Variants in ADAMTS9 observed in about 807,000 individuals in gnomAD.
ADAMTS9 encodes the protein A disintegrin and metalloproteinase with thrombospondin motifs 9.
ADAMTS9 carries 107 observed loss-of-function variants against 257.1 expected under a neutral mutation model. The observed-to-expected ratio is 0.42, with a 90% CI of 0.36 to 0.49. The LOEUF is 0.49. Among genes scored for constraint, ADAMTS9 ranks in the 20% least tolerant of loss-of-function variants. ADAMTS9 has a pLI of 0.03. For missense variants in ADAMTS9, 2,353 were observed against 2,469.1 expected (o/e 0.95, Z 1.00); for synonymous variants, 982 against 880.9 (o/e 1.11, Z -2.03).
At chr3:64,598,751 T>C (rs914566573) in intron 26 of ADAMTS9, among the ~76,000 whole-genome samples, 1 of 152,156 alleles carries the variant, frequency 6.6e-6, no homozygotes, top group Non-Finnish European at 1.5e-5. Context: ...TAAATAGATT[T>C]GTCATCTATA....
rs754786025 is a variant in ADAMTS9 at position 64,546,826 on chromosome 3, TG to T, written c.4995del (p.Ser1666ValfsTer7). Reference sequence around the variant, plus strand: ...TCCCTCAGGTAACAGGGGTGAACACTGGGGGGCTGCGTGCCTGGGCAGTTGA... The same window carrying T: ...TCCCTCAGGTAACAGGGGTGAACACTGGGGGCTGCGTGCCTGGGCAGTTGA... ...TTINCPGTQP[P>X]SVHPCYLRDC... is the part of the protein sequence containing the mutation. On this transcript the variant is annotated frameshift_variant, in exon 32 of 40. Coordinates refer to ENST00000498707, the MANE Select transcript of ADAMTS9 (RefSeq NM_182920.2). LOFTEE classifies it high-confidence loss of function. 1 of 1,613,942 alleles carries T rather than the reference TG, an allele frequency of 6.2e-7. No homozygotes were observed. Among genetic ancestry groups the T allele is most frequent in the Non-Finnish European group, 8.5e-7 (1 of 1,179,982 alleles).
intron 3 of ADAMTS9, among the ~76,000 whole-genome samples, chr3:64,668,300 C>T (rs1353836651): frequency 1.3e-5 from 2 of 152,092 alleles, no homozygotes; most frequent in Admixed American, 1.3e-4. Flanking sequence ...TCTATTGAAC[C>T]CCATTATGCA....
chr3:64,528,065 GTC>G (rs758407947), intron 38 of ADAMTS9, among the ~76,000 whole-genome samples: 19 of 152,196 alleles, frequency 1.2e-4, no homozygotes, highest in Non-Finnish European at 2.6e-4. Context: ...GCCCAGGAAT[GTC>G]TGTTAGACCA....
At chr3:64,523,028 T>C (rs1252650307) in intron 38 of ADAMTS9, among the ~76,000 whole-genome samples, 1 of 152,108 alleles carries the variant, frequency 6.6e-6, no homozygotes, top group South Asian at 2.1e-4. Flanking sequence ...ATTTAAAATA[T>C]AAAATTAAAA....
chr3:64,559,692 A>G (rs1305859450), intron 30 of ADAMTS9, among the ~76,000 whole-genome samples: 1 of 152,242 alleles, frequency 6.6e-6, no homozygotes, highest in African/African-American at 2.4e-5. Flanking sequence ...TTTTAGGCAT[A>G]TTGTGCATGA....
chr3:64,660,195 A>C (rs1340119298), intron 3 of ADAMTS9, among the ~76,000 whole-genome samples: 4 of 152,248 alleles, frequency 2.6e-5, no homozygotes, highest in African/African-American at 9.6e-5. Flanking sequence ...AGAATTGTAC[A>C]ATGAAGAAGT....
chr3:64,579,215 T>G (rs2083931941), intron 28 of ADAMTS9, among the ~76,000 whole-genome samples: 1 of 152,190 alleles, frequency 6.6e-6, no homozygotes, highest in African/African-American at 2.4e-5. Context: ...GTCTCTTTGG[T>G]ATCACTAAGA....
intron 39 of ADAMTS9, among the ~76,000 whole-genome samples, chr3:64,517,913 C>G (rs1304859131): frequency 1.3e-5 from 2 of 152,152 alleles, no homozygotes; most frequent in Admixed American, 1.3e-4. Context: ...CATCCCTCTT[C>G]CAACTGAAGC....
intron 30 of ADAMTS9, among the ~76,000 whole-genome samples, chr3:64,556,484 C>A (rs1400535125): frequency 6.6e-6 from 1 of 152,100 alleles, no homozygotes; most frequent in African/African-American, 2.4e-5. Context: ...CCATACTCGG[C>A]TAATTTTTTC....
chr3:64,559,674 G>T (rs185382889), intron 30 of ADAMTS9, among the ~76,000 whole-genome samples: 64 of 152,354 alleles, frequency 4.2e-4, no homozygotes, highest in South Asian at 6.2e-4. Context: ...CACATGCAAA[G>T]AAGTAAATTT....
chr3:64,546,818 G>T lies in ADAMTS9; in HGVS notation c.5004C>A (p.His1668Gln), dbSNP rs776449919. 190 of 1,613,906 alleles carry T rather than the reference G, an allele frequency of 1.2e-4. No homozygotes were observed. Among genetic ancestry groups the T allele is most frequent in the Non-Finnish European group, 1.6e-4 (186 of 1,179,950 alleles). ...NCPGTQPPSV[H>Q]PCYLRDCPVS... ...CAGGGCAGTCCCTCAGGTAACAGGGGTGAACACTGGGGGGCTGCGTGCCTG... is the reference window on the plus strand; with the variant it reads ...CAGGGCAGTCCCTCAGGTAACAGGGTTGAACACTGGGGGGCTGCGTGCCTG... The change falls in exon 32 of 40, where the codon CAC becomes CAA. Residue 1668 changes from histidine (H) to glutamine (Q), a missense_variant. By Grantham distance (24) the His-to-Gln change is conservative. Around this residue, in one of 3 missense-constraint regions of ADAMTS9, gnomAD observed 1,402 missense variants for 1,441.4 expected, o/e 0.97. Coordinates refer to ENST00000498707, the MANE Select transcript of ADAMTS9 (RefSeq NM_182920.2).
At chr3:64,630,768 C>T (rs1280252227) in intron 16 of ADAMTS9, among the ~76,000 whole-genome samples, 1 of 152,044 alleles carries the variant, frequency 6.6e-6, no homozygotes, top group African/African-American at 2.4e-5. Flanking sequence ...ACATGTACTC[C>T]AGAACTTTAA....
At chr3:64,641,702 G>T in intron 12 of ADAMTS9, 146 bp downstream of exon 12, 1 of 955,524 alleles carries the variant, frequency 1.0e-6, no homozygotes, top group Non-Finnish European at 1.5e-6. Context: ...TAGACTTTGG[G>T]TACCGTGGGT....
chr3:64,601,798 A>T, intron 26 of ADAMTS9, 146 bp downstream of exon 26: 1 of 982,796 alleles, frequency 1.0e-6, no homozygotes, highest in Non-Finnish European at 1.5e-6. Context: ...TAATTAACCC[A>T]TTACAAGTTA....
At chr3:64,650,424 G>C (rs1157583255) in intron 9 of ADAMTS9, 1 of 152,742 alleles carries the variant, frequency 6.5e-6, no homozygotes, top group Non-Finnish European at 1.5e-5. Flanking sequence ...TGACACAGGG[G>C]CATTGTATAA....
chr3:64,535,552 C>CTTTTCT (rs1331070017), intron 37 of ADAMTS9, among the ~76,000 whole-genome samples: 103 of 84,692 alleles, frequency 1.2e-3, no homozygotes, highest in African/African-American at 4.0e-3. Flanking sequence ...CTTTTCTTTT[C>CTTTTCT]TTTTTTTTTT....
chr3:64,674,557 G>A (rs1374775580), intron 3 of ADAMTS9, among the ~76,000 whole-genome samples: 1 of 152,188 alleles, frequency 6.6e-6, no homozygotes, highest in Non-Finnish European at 1.5e-5. Context: ...ACATTGCCAA[G>A]TACACAGTTC....
intron 9 of ADAMTS9, 33 bp from the exon 10 acceptor site, chr3:64,649,811 A>G (rs1294659893): frequency 8.8e-6 from 14 of 1,593,086 alleles, no homozygotes; most frequent in Non-Finnish European, 1.1e-5. Flanking sequence ...ACAGATGGTG[A>G]GAACGGTGGC....
At chr3:64,566,794 G>A (rs943947167) in intron 29 of ADAMTS9, among the ~76,000 whole-genome samples, 1 of 151,332 alleles carries the variant, frequency 6.6e-6, no homozygotes, top group Non-Finnish European at 1.5e-5. Context: ...GTCCACAAGA[G>A]ACAAGCTAAT....
Sources: allele counts gnomAD v4.1 joint callset (sites outside exome capture counted in the v4.1 genomes callset), GRCh38; gene constraint gnomAD v4.1.1; regional missense constraint gnomAD v4.1.1; transcripts MANE v1.5; gene names NCBI Gene and HGNC (gene_info 2026-07-23, HGNC 2026-07-21).